Variants in PRELID2 observed in about 807,000 individuals in gnomAD.
PRELID2 encodes the protein PRELI domain-containing protein 2.
A neutral mutation model predicts 28.4 loss-of-function variants in PRELID2; 25 were observed. That is an observed-to-expected ratio of 0.88 (90% CI 0.64 to 1.23). The LOEUF is 1.23. Among genes scored for constraint, PRELID2 ranks in the 50% most tolerant of loss-of-function variants. The pLI is 0.00. For synonymous variants in PRELID2, 76 were observed against 71.6 expected (o/e 1.06, Z -0.31); for missense variants, 201 against 214.4 (o/e 0.94, Z 0.39).
chr5:145,784,792 T>C (rs1751880676), intron 5 of PRELID2, among the ~76,000 whole-genome samples: 1 of 151,684 alleles, frequency 6.6e-6, no homozygotes, highest in African/African-American at 2.4e-5. Flanking sequence ...CTTTGTTTTT[T>C]TTTTTTTTAA....
chr5:145,716,625 A>T (rs888536665), intron 1 of PRELID2, among the ~76,000 whole-genome samples: 7 of 152,184 alleles, frequency 4.6e-5, no homozygotes, highest in African/African-American at 1.4e-4. Context: ...TTTTATTCAT[A>T]AGAAGACATA....
At chr5:145,331,297 G>A in the PRELID2 span, among the ~76,000 whole-genome samples, 2 of 152,074 alleles carry the variant, frequency 1.3e-5, no homozygotes, top group African/African-American at 2.4e-5. Context: ...GGTCCACTTG[G>A]TCAAGAGCTG....
At chr5:145,559,170 G>T (rs1561506147) in intron 1 of PRELID2, among the ~76,000 whole-genome samples, 1 of 151,988 alleles carries the variant, frequency 6.6e-6, no homozygotes, top group Non-Finnish European at 1.5e-5. Flanking sequence ...CAGGAGAATG[G>T]CATGAACCCG....
chr5:145,253,238 A>G, the PRELID2 span, among the ~76,000 whole-genome samples: 1 of 152,174 alleles, frequency 6.6e-6, no homozygotes, highest in Non-Finnish European at 1.5e-5. Flanking sequence ...AGGATATTCT[A>G]TTGAGGTAGA....
chr5:145,463,315 T>A, the PRELID2 span, among the ~76,000 whole-genome samples: 1 of 151,130 alleles, frequency 6.6e-6, no homozygotes, highest in Non-Finnish European at 1.5e-5. Context: ...TCCTAATCAT[T>A]TTTTAACTCA....
intron 1 of PRELID2, among the ~76,000 whole-genome samples, chr5:145,622,216 C>T (rs1190593278): frequency 6.6e-6 from 1 of 151,954 alleles, no homozygotes; most frequent in Admixed American, 6.6e-5. Context: ...AATTTTTTTT[C>T]AGGTGGTAAA....
intron 1 of PRELID2, among the ~76,000 whole-genome samples, chr5:145,743,960 T>C (rs573504767): frequency 2.0e-5 from 3 of 152,318 alleles, no homozygotes; most frequent in Admixed American, 6.5e-5. Flanking sequence ...CCCATCTCCA[T>C]AGCCCCAGGC....
At chr5:145,229,571 A>C in the PRELID2 span, 1 of 1,475,922 alleles carries the variant, frequency 6.8e-7, no homozygotes, top group Non-Finnish European at 9.3e-7. Flanking sequence ...GGAGCTCTTC[A>C]TGTACCTGAA....
chr5:145,341,204 A>G, the PRELID2 span, among the ~76,000 whole-genome samples: 1 of 152,148 alleles, frequency 6.6e-6, no homozygotes, highest in Non-Finnish European at 1.5e-5. Context: ...GAAAAGAAAA[A>G]AAAAATGATG....
chr5:145,557,243 G>T (rs560823888), intron 1 of PRELID2, among the ~76,000 whole-genome samples: 1 of 152,288 alleles, frequency 6.6e-6, no homozygotes, highest in East Asian at 1.9e-4. Flanking sequence ...GCATAAGTTT[G>T]CCCAAGCTGG....
At chr5:145,319,361 T>C in the PRELID2 span, among the ~76,000 whole-genome samples, 1 of 152,084 alleles carries the variant, frequency 6.6e-6, no homozygotes, top group African/African-American at 2.4e-5. Context: ...TGCATAGTTG[T>C]ATGAAGTTAA....
At chr5:145,824,037 C>G (rs1035961578) in intron 1 of PRELID2, among the ~76,000 whole-genome samples, 2 of 152,092 alleles carry the variant, frequency 1.3e-5, no homozygotes, top group Non-Finnish European at 2.9e-5. Flanking sequence ...GCCTGCAAAG[C>G]CTGCCCACCT....
chr5:145,807,287 T>C (rs1753579454), intron 4 of PRELID2, among the ~76,000 whole-genome samples: 1 of 152,218 alleles, frequency 6.6e-6, no homozygotes, highest in African/African-American at 2.4e-5. Context: ...TGTCATCGAA[T>C]GCTCTCTTAG....
chr5:145,595,352 C>T (rs1016133334), intron 1 of PRELID2, among the ~76,000 whole-genome samples: 4 of 151,988 alleles, frequency 2.6e-5, no homozygotes, highest in African/African-American at 9.7e-5. Context: ...GTCTTTTAAG[C>T]CTTCGTGTTC....
At chr5:145,527,944 C>T (rs1315213900) in intron 1 of PRELID2, among the ~76,000 whole-genome samples, 1 of 152,126 alleles carries the variant, frequency 6.6e-6, no homozygotes, top group Non-Finnish European at 1.5e-5. Flanking sequence ...TCTTCTTGCC[C>T]TGTTGTCCCA....
intron 1 of PRELID2, among the ~76,000 whole-genome samples, chr5:145,594,989 G>A (rs547277760): frequency 1.3e-5 from 2 of 152,110 alleles, no homozygotes; most frequent in African/African-American, 4.8e-5. Context: ...TTAGCTGGGT[G>A]TGGTGGCGGG....
chr5:145,361,644 C>T, the PRELID2 span, among the ~76,000 whole-genome samples: 7 of 152,134 alleles, frequency 4.6e-5, no homozygotes, highest in Non-Finnish European at 1.0e-4. Context: ...ATTGGAGTCT[C>T]CCAACTCCTA....
At chr5:145,357,219 G>A in the PRELID2 span, among the ~76,000 whole-genome samples, 2 of 151,966 alleles carry the variant, frequency 1.3e-5, no homozygotes, top group African/African-American at 4.8e-5. Context: ...TGTGTTCTGG[G>A]GATGGTTTCT....
At chr5:145,737,930 CTT>C (rs1414497407) in intron 1 of PRELID2, among the ~76,000 whole-genome samples, 5 of 152,328 alleles carry the variant, frequency 3.3e-5, no homozygotes, top group African/African-American at 9.6e-5. Flanking sequence ...GGAGATACCT[CTT>C]TCCTGCCGCA....
Sources: gnomAD v4.1 joint callset for allele counts (sites outside exome capture counted in the v4.1 genomes callset) on GRCh38, gnomAD v4.1.1 for gene constraint, MANE v1.5 for transcripts, NCBI Gene and HGNC (gene_info 2026-07-23, HGNC 2026-07-21) for gene names.